Variants in TMPRSS5 observed in about 807,000 individuals in gnomAD.
TMPRSS5 encodes the protein transmembrane protease serine 5.
A neutral mutation model predicts 59.7 loss-of-function variants in TMPRSS5; 45 were observed. That is an observed-to-expected ratio of 0.75 (90% CI 0.59 to 0.97). TMPRSS5 has a LOEUF of 0.97. TMPRSS5 is among the 50% of genes least tolerant of loss of function. The pLI, the probability that TMPRSS5 is intolerant of heterozygous loss-of-function variation, is 0.00. For missense variants in TMPRSS5, 585 were observed against 596.7 expected, an observed-to-expected ratio of 0.98 and a Z score of 0.20; for synonymous variants, 225 against 232.0, an observed-to-expected ratio of 0.97 and a Z score of 0.27.
In TMPRSS5 at chr11:113,698,925, AGCAGAGCTTCCTCAGC is replaced by A; in HGVS notation, c.292_307del (p.Ala98SerfsTer12). On this transcript the variant is annotated frameshift_variant, in exon 4 of 13. Transcript: ENST00000299882. LOFTEE classifies it high-confidence loss of function. ...CCCACCTGTTTTGGGAAGTGCAGGGAGCAGAGCTTCCTCAGCGCTGGCCTCTGAGCAGCTCAAAGTT... is the reference window on the plus strand; with the variant it reads ...CCCACCTGTTTTGGGAAGTGCAGGGAGCTGGCCTCTGAGCAGCTCAAAGTT... The A allele has an allele frequency of 1.3e-6, 2 of 1,591,320 alleles. No individual in the cohort carries two copies. The highest frequency in any genetic ancestry group is 1.7e-6 in the Non-Finnish European group (2 of 1,169,000).
intron 12 of TMPRSS5, 102 bp downstream of exon 12, chr11:113,689,663 C>A: frequency 7.5e-7 from 1 of 1,336,178 alleles, no homozygotes; most frequent in Non-Finnish European, 1.0e-6. Flanking sequence ...CTAGCACCCT[C>A]CCCAGTCCCC....
At chr11:113,696,310 G>C (rs1952927076) in intron 6 of TMPRSS5, among the ~76,000 whole-genome samples, 1 of 152,136 alleles carries the variant, frequency 6.6e-6, no homozygotes, top group African/African-American at 2.4e-5. Flanking sequence ...TTGTGCCCCA[G>C]TCATACCAAA....
intron 1 of TMPRSS5, 112 bp from the exon 2 acceptor site, chr11:113,700,280 C>T: frequency 2.1e-6 from 2 of 951,830 alleles, no homozygotes; most frequent in Admixed American, 3.1e-5. Flanking sequence ...TCCATTGCCA[C>T]TTGTAAACCT....
At chr11:113,696,524 C>T (rs573387520) in intron 6 of TMPRSS5, among the ~76,000 whole-genome samples, 65 of 152,350 alleles carry the variant, frequency 4.3e-4, no homozygotes, top group Admixed American at 8.5e-4. Flanking sequence ...GACTTAGCTG[C>T]TTATTACTTA....
At position 113,699,591 on chromosome 11, in the gene TMPRSS5, T is replaced by C; in HGVS notation, c.205+4A>G. ...CACACCAGAGAAAGGCCCCCAGCAC[T>C]GACCTAGGAGCCATGAGCCAACACC... On this transcript the variant is annotated splice_donor_region_variant and intron_variant, in intron 3 of 12. Coordinates refer to ENST00000299882, the MANE Select transcript of TMPRSS5 (RefSeq NM_030770.4). The C allele has an allele frequency of 6.4e-7, 1 of 1,568,940 alleles. No individual in the cohort carries two copies. Among genetic ancestry groups the C allele is most frequent in the Non-Finnish European group, 8.6e-7 (1 of 1,157,322 alleles).
chr11:113,700,473 T>C (rs954668974), intron 1 of TMPRSS5, among the ~76,000 whole-genome samples: 2 of 152,138 alleles, frequency 1.3e-5, no homozygotes, highest in African/African-American at 4.8e-5. Flanking sequence ...CCATAAACAT[T>C]GAAGGCATCT....
At chr11:113,694,261 AAC>A in intron 8 of TMPRSS5, 1 of 418,860 alleles carries the variant, frequency 2.4e-6, no homozygotes, top group Non-Finnish European at 4.1e-6. Flanking sequence ...AAAAAAAAAA[AAC>A]TGATGAATAT....
intron 11 of TMPRSS5, 51 bp downstream of exon 11, chr11:113,690,172 CCCTGCCCT>C: frequency 2.6e-6 from 2 of 755,480 alleles, no homozygotes; most frequent in South Asian, 1.7e-5. Flanking sequence ...ACAGCAGGCC[CCCTGCCCT>C]CCCACCCCCA....
intron 3 of TMPRSS5, among the ~76,000 whole-genome samples, chr11:113,699,284 T>TCCCCCCC: frequency 9.3e-6 from 1 of 106,974 alleles, no homozygotes; most frequent in African/African-American, 3.9e-5. Flanking sequence ...TCTCTCTCTC[T>TCCCCCCC]CTCTCTCTGT....
intron 9 of TMPRSS5, 133 bp from the exon 10 acceptor site, chr11:113,691,072 C>A (rs1952767251): frequency 5.2e-6 from 4 of 768,602 alleles, no homozygotes; most frequent in Non-Finnish European, 8.4e-6. Context: ...TGGGTTCCAC[C>A]AGCCAGGCCT....
intron 6 of TMPRSS5, among the ~76,000 whole-genome samples, chr11:113,695,788 A>G (rs1209574433): frequency 2.6e-5 from 4 of 152,142 alleles, no homozygotes; most frequent in East Asian, 1.9e-4. Context: ...TACACACTCA[A>G]TGAATGAATG....
Position 113,699,685 on chromosome 11 carries a change from C to T in TMPRSS5, c.115G>A (p.Ala39Thr). Residue 39 changes from alanine (A) to threonine (T), a missense_variant, in exon 3 of 13, where the codon GCA (alanine) becomes ACA (threonine). Physicochemically the swap from Ala to Thr is moderately conservative, Grantham distance 58. Coordinates refer to ENST00000299882, the MANE Select transcript of TMPRSS5 (RefSeq NM_030770.4). ...CGTCGCATGGAACGCCAGCACACTG[C>T]CTGAGAAACTGTGGGAAAGGGCAGA... ...PGDQQHPISQAVCWRSMRRGC... is the reference protein window; with the variant it reads ...PGDQQHPISQTVCWRSMRRGC... The T allele has an allele frequency of 6.4e-7, 1 of 1,570,404 alleles. No homozygotes were observed. Among genetic ancestry groups the T allele is most frequent in the Non-Finnish European group, 8.6e-7 (1 of 1,158,184 alleles).
intron 9 of TMPRSS5, among the ~76,000 whole-genome samples, chr11:113,691,495 C>T (rs1040855699): frequency 6.6e-6 from 1 of 152,162 alleles, no homozygotes; most frequent in Non-Finnish European, 1.5e-5. Flanking sequence ...GGAGACAGCA[C>T]GCCCAGGTGC....
intron 1 of TMPRSS5, among the ~76,000 whole-genome samples, chr11:113,700,814 A>C (rs993134085): frequency 3.3e-5 from 5 of 152,182 alleles, no homozygotes; most frequent in African/African-American, 1.2e-4. Context: ...CCCACCCAAA[A>C]TCTCATCTTG....
Position 113,689,785 on chromosome 11 carries a change from A to T in TMPRSS5, c.1339T>A (p.Trp447Arg). ...VYAKVAEFLD[W>R]IHDTAQDSLL ...CTCACCTGAGCAGTGTCATGGATCC[A>T]GTCCAGAAACTCAGCTACCTTGGCG... The change falls in exon 12 of 13, where the codon TGG becomes AGG. Residue 447 changes from tryptophan (W) to arginine (R), a missense_variant. By Grantham distance (101) the Trp-to-Arg change is moderately radical. Coordinates refer to ENST00000299882, the MANE Select transcript of TMPRSS5 (RefSeq NM_030770.4). The T allele has an allele frequency of 1.2e-6, 2 of 1,610,736 alleles. No homozygotes were observed. The highest frequency in any genetic ancestry group is 1.3e-5 in the African/African-American group (1 of 74,948).
intron 5 of TMPRSS5, 78 bp from the exon 6 acceptor site, chr11:113,697,049 G>T (rs765571094): frequency 2.9e-5 from 35 of 1,213,902 alleles, no homozygotes; most frequent in East Asian, 1.5e-4. Flanking sequence ...TATAGTGACC[G>T]CAAGACTGTG....
At chr11:113,689,319 G>A (rs1224816739) in intron 12 of TMPRSS5, among the ~76,000 whole-genome samples, 1 of 152,000 alleles carries the variant, frequency 6.6e-6, no homozygotes, top group Non-Finnish European at 1.5e-5. Flanking sequence ...TTGCACCATT[G>A]TACTCCTGCC....
intron 1 of TMPRSS5, among the ~76,000 whole-genome samples, chr11:113,703,233 G>A (rs1243561698): frequency 1.3e-5 from 2 of 152,270 alleles, no homozygotes; most frequent in Admixed American, 1.3e-4. Flanking sequence ...TATAAGGCAT[G>A]TAGTCAAAGG....
intron 12 of TMPRSS5, among the ~76,000 whole-genome samples, chr11:113,688,716 C>T (rs1409384625): frequency 3.9e-5 from 6 of 152,066 alleles, no homozygotes; most frequent in African/African-American, 1.4e-4. Context: ...GTGCGTGCCA[C>T]CATGCCCAGC....
Sources: gnomAD v4.1 joint callset for allele counts (sites outside exome capture counted in the v4.1 genomes callset) on GRCh38, gnomAD v4.1.1 for gene constraint, MANE v1.5 for transcripts, NCBI Gene and HGNC (gene_info 2026-07-23, HGNC 2026-07-21) for gene names.